The following EPHB1 variants were observed in gnomAD, a reference collection of about 807,000 sequenced individuals.
EPHB1 encodes the protein EPH receptor B1, also known as ephrin type-B receptor 1.
EPHB1 carries 30 observed loss-of-function variants against 94.4 expected under a neutral mutation model. The observed-to-expected ratio is 0.32, with a 90% CI of 0.24 to 0.43. The LOEUF is 0.43. EPHB1 is among the 20% of genes least tolerant of loss of function. The pLI is 1.00. For missense variants in EPHB1, 1,055 were observed against 1,308.3 expected (o/e 0.81, Z 2.99); for synonymous variants, 522 against 489.1 (o/e 1.07, Z -0.89).
chr3:135,182,959 G>A lies in EPHB1; in HGVS notation c.1882+2977G>A, dbSNP rs113978812. 4.8e-5 allele frequency among the ~76,000 whole-genome samples: 7 copies of A among 147,164 alleles called. 1 individual carries two copies. The highest frequency in any genetic ancestry group is 2.2e-4 in the South Asian group (1 of 4,514). On this transcript the variant is annotated intron_variant, in intron 10 of 15. Transcript: ENST00000398015. ...GAGCCTGCCCTCTGTTTGTTCTTTC[G>A]TTTCTTTTCTCTTTTCTTTTCTTTT...
chr3:134,866,307 G>A (rs2108305786), intron 1 of EPHB1, among the ~76,000 whole-genome samples: 1 of 152,342 alleles, frequency 6.6e-6, no homozygotes, highest in East Asian at 1.9e-4. Context: ...GAATGCAATT[G>A]TATGTGACAA....
chr3:134,978,228 C>G (rs1396747805), intron 3 of EPHB1, among the ~76,000 whole-genome samples: 1 of 152,044 alleles, frequency 6.6e-6, no homozygotes. Context: ...GCTGCCCCTA[C>G]CCTAAGCCAC....
rs151246119 is a variant in EPHB1 at position 135,159,196 on chromosome 3, A to T, written c.1423-2822A>T. Among the ~76,000 whole-genome samples the T allele has an allele frequency of 1.0e-3, 158 of 152,138 alleles. 2 individuals are homozygous for T. Among genetic ancestry groups the T allele is most frequent in the African/African-American group, 3.5e-3 (147 of 41,512 alleles). On this transcript the variant is annotated intron_variant, in intron 6 of 15. Coordinates refer to ENST00000398015, the MANE Select transcript of EPHB1 (RefSeq NM_004441.5). ...TTAGTCATAAGCAACCAATAATAATAAAAAAAAGCAACTTTGTTCATGGCT... is the reference window on the plus strand; with the variant it reads ...TTAGTCATAAGCAACCAATAATAATTAAAAAAAGCAACTTTGTTCATGGCT...
chr3:134,909,218 G>A (rs2107693607), intron 1 of EPHB1, among the ~76,000 whole-genome samples: 1 of 152,262 alleles, frequency 6.6e-6, no homozygotes, highest in Non-Finnish European at 1.5e-5. Flanking sequence ...GGGATGCCAT[G>A]GAGAAAGGGG....
At chr3:135,109,893 C>T (rs919866281) in intron 4 of EPHB1, among the ~76,000 whole-genome samples, 1 of 152,242 alleles carries the variant, frequency 6.6e-6, no homozygotes, top group Non-Finnish European at 1.5e-5. Context: ...CTGAGACACA[C>T]TTCCTTCCAC....
chr3:134,889,461 A>G (rs1210985372), intron 1 of EPHB1, among the ~76,000 whole-genome samples: 1 of 152,088 alleles, frequency 6.6e-6, no homozygotes, highest in East Asian at 1.9e-4. Context: ...TGCAGAAACT[A>G]TTGTGTTAGG....
intron 2 of EPHB1, among the ~76,000 whole-genome samples, chr3:134,936,747 G>A (rs1439373285): frequency 6.6e-6 from 1 of 152,176 alleles, no homozygotes; most frequent in Non-Finnish European, 1.5e-5. Context: ...CATGACAAAT[G>A]TAGGAGTCAA....
At chr3:135,116,042 C>T (rs936587832) in intron 4 of EPHB1, among the ~76,000 whole-genome samples, 21 of 151,992 alleles carry the variant, frequency 1.4e-4, no homozygotes, top group African/African-American at 2.7e-4. Flanking sequence ...GGTGAAACCC[C>T]GTCTCTACTA....
chr3:134,948,041 A>C lies in EPHB1; in HGVS notation c.124-3330A>C, dbSNP rs370109267. On this transcript the variant is annotated intron_variant, in intron 2 of 15. Coordinates refer to ENST00000398015, the MANE Select transcript of EPHB1 (RefSeq NM_004441.5). ...AGTCCTGGGCTCAAGCCATCCTCCC[A>C]CCTCACCCTTCCAAAGTGCTAGAAT... Among the ~76,000 whole-genome samples, 9 of 151,902 alleles carry C rather than the reference A, an allele frequency of 5.9e-5. No individual in the cohort carries two copies. In the East Asian group the frequency reaches 1.2e-3, roughly 20 times the overall value.
Position 135,259,774 on chromosome 3 carries a change from A to G in EPHB1, c.*654A>G, listed in dbSNP as rs1489033564. The G allele has an allele frequency of 1.9e-5, 4 of 214,986 alleles. No individual in the cohort carries two copies. Among genetic ancestry groups the G allele is most frequent in the East Asian group, 1.4e-4 (2 of 14,556 alleles). The allele number at this position is 214,986 out of a possible 1,614,324, so 13.3% of individuals were successfully genotyped here. On this transcript the variant is annotated 3_prime_UTR_variant, in exon 16 of 16. Coordinates refer to ENST00000398015, the MANE Select transcript of EPHB1 (RefSeq NM_004441.5). ...AAAACCTCGTTTTTCTTTTGTTTGC[A>G]TTTTCTGCAAAAAGGAAAAAGAAAC...
At chr3:134,838,517 C>G (rs954855540) in intron 1 of EPHB1, among the ~76,000 whole-genome samples, 6 of 152,182 alleles carry the variant, frequency 3.9e-5, no homozygotes, top group Non-Finnish European at 8.8e-5. Flanking sequence ...ATTTTATCAT[C>G]CTGTGGGTCA....
intron 3 of EPHB1, among the ~76,000 whole-genome samples, chr3:135,077,421 C>T (rs1361816412): frequency 1.3e-5 from 2 of 152,224 alleles, no homozygotes; most frequent in African/African-American, 4.8e-5. Context: ...AGACTTGCCC[C>T]TCTCCCTGCT....
At chr3:134,964,503 T>G (rs183252871) in intron 3 of EPHB1, among the ~76,000 whole-genome samples, 2 of 152,242 alleles carry the variant, frequency 1.3e-5, no homozygotes, top group Non-Finnish European at 2.9e-5. Context: ...TTGCACAAGA[T>G]GGATAGAGCT....
intron 9 of EPHB1, among the ~76,000 whole-genome samples, chr3:135,179,528 G>A (rs867214708): frequency 1.3e-5 from 2 of 152,176 alleles, no homozygotes; most frequent in African/African-American, 4.8e-5. Context: ...CATTTGGTTG[G>A]CATCAGTCAG....
At chr3:135,188,000 A>G (rs892157634) in intron 10 of EPHB1, among the ~76,000 whole-genome samples, 2 of 152,112 alleles carry the variant, frequency 1.3e-5, no homozygotes, top group Non-Finnish European at 2.9e-5. Context: ...GGAGTTCGAG[A>G]CCAGCCTGGC....
intron 5 of EPHB1, among the ~76,000 whole-genome samples, chr3:135,152,178 A>C (rs1480656800): frequency 6.6e-6 from 1 of 152,364 alleles, no homozygotes; most frequent in South Asian, 2.1e-4. Flanking sequence ...CAGCAGGAAT[A>C]GCTCAAGGAA....
intron 3 of EPHB1, among the ~76,000 whole-genome samples, chr3:135,047,251 G>A (rs1017088895): frequency 9.9e-5 from 15 of 152,202 alleles, no homozygotes; most frequent in Non-Finnish European, 1.8e-4. Flanking sequence ...AGAAATGCTG[G>A]GCAAATTAGA....
chr3:134,903,722 A>G (rs1481906984), intron 1 of EPHB1, among the ~76,000 whole-genome samples: 1 of 152,206 alleles, frequency 6.6e-6, no homozygotes, highest in African/African-American at 2.4e-5. Context: ...TAAGAATTCT[A>G]TCAAAGGTAA....
Position 135,055,705 on chromosome 3 carries a change from C to G in EPHB1, c.806-50743C>G, listed in dbSNP as rs962413885. Among the ~76,000 whole-genome samples the G allele has an allele frequency of 9.9e-5, 15 of 152,216 alleles. No individual in the cohort carries two copies. In the South Asian group the frequency reaches 2.7e-3, roughly 28 times the overall value. On this transcript the variant is annotated intron_variant, in intron 3 of 15. Coordinates refer to ENST00000398015, the MANE Select transcript of EPHB1 (RefSeq NM_004441.5). ...CCTGTCTTGTCATCCTTGTTCACAC[C>G]CGGGGTTGTTGTGGGAGGATGAACA...
Sources: allele counts gnomAD v4.1 joint callset (sites outside exome capture counted in the v4.1 genomes callset), GRCh38; gene constraint gnomAD v4.1.1; transcripts MANE v1.5; gene names NCBI Gene and HGNC (gene_info 2026-07-23, HGNC 2026-07-21).